Variants in HMGB2 observed in about 807,000 individuals in gnomAD.
The protein encoded by HMGB2 is high mobility group protein B2.
HMGB2 carries 2 observed loss-of-function variants against 23.0 expected under a neutral mutation model. The ratio of observed to expected loss-of-function variants is 0.09; its 90% CI spans 0.04 to 0.27. The LOEUF (loss-of-function observed/expected upper bound fraction) is 0.27. HMGB2 is among the 10% of genes least tolerant of loss of function. HMGB2 has a pLI of 1.00. For missense variants in HMGB2, 178 were observed against 256.5 expected (o/e 0.69, Z 2.09); for synonymous variants, 99 against 87.5 (o/e 1.13, Z -0.73).
chr4:173,333,208 A>G lies in HMGB2; in HGVS notation c.157T>C (p.Ser53Pro). ...KKCSERWKTM[S>P]AKEKSKFEDM... ...TCAAACTTCGACTTCTCCTTTGCAG[A>G]CATGGTCTGTGGACATAAAATAAGA... The change falls in exon 3 of 5, where the codon TCT (serine) becomes CCT (proline). Residue 53 changes from serine (S) to proline (P), a missense_variant. Around this residue, in one of 3 missense-constraint regions of HMGB2, gnomAD observed 90 missense variants for 114.4 expected, o/e 0.79. Transcript: ENST00000296503. This position sits in a 1 kb window ranked among gnomAD's most constrained non-coding sequence, Gnocchi z 4.6. 6.2e-7 allele frequency: 1 copy of G among 1,613,714 alleles called. No individual in the cohort carries two copies. The highest frequency in any genetic ancestry group is 8.5e-7 in the Non-Finnish European group (1 of 1,179,904).
intron 4 of HMGB2, chr4:173,332,509 A>G: frequency 2.1e-6 from 1 of 481,464 alleles, no homozygotes; most frequent in Non-Finnish European, 3.6e-6. Context: ...GTACCTTCAC[A>G]TTTTATATAT....
At position 173,331,882 on chromosome 4, in the gene HMGB2, T is replaced by C. The variant is rs1481626163; in HGVS notation, c.*198A>G. The C allele has an allele frequency of 1.6e-6, 1 of 636,602 alleles. No homozygotes were observed. The highest frequency in any genetic ancestry group is 2.9e-5 in the East Asian group (1 of 34,404). 39.4% of individuals were successfully genotyped at this position (636,602 alleles called of 1,614,324 possible). On this transcript the variant is annotated 3_prime_UTR_variant, in exon 5 of 5. Coordinates refer to ENST00000296503, the MANE Select transcript of HMGB2 (RefSeq NM_002129.4). ...CATCAGAAGCTGTAAAATCTAACTG[T>C]ATGAGTAGCCCATCAAAAAGCTACA...
chr4:173,333,553 C>A lies in HMGB2; in HGVS notation c.97G>T (p.Asp33Tyr). Residue 33 changes from aspartate to tyrosine, a missense_variant, in exon 2 of 5, where the codon GAC becomes TAC. Physicochemically the swap from Asp to Tyr is radical, Grantham distance 160 (BLOSUM62 -3). Transcript: ENST00000296503. The surrounding 1 kb of genome is among the most constrained non-coding windows in gnomAD (Gnocchi z 4.6). Reference protein sequence around the residue: ...CREEHKKKHPDSSVNFAEFSK... With the variant: ...CREEHKKKHPYSSVNFAEFSK... ...AATTCCGCGAAATTGACGGAAGAGT[C>A]CGGGTGTTTCTTCTTGTGCTCTTCC... 6.2e-7 allele frequency: 1 copy of A among 1,614,180 alleles called. No individual in the cohort carries two copies. Among genetic ancestry groups the A allele is most frequent in the Non-Finnish European group, 8.5e-7 (1 of 1,180,012 alleles).
rs1189892258 is a variant in HMGB2, at chr4:173,333,738, C to T, written c.-20-69G>A. ...CGGAGCCCGCAGCTGCCAGGGCGGG[C>T]GCTGGCGGGGCTCCGCTTCCCGCCC... is the stretch of plus-strand genomic sequence containing the variant. On this transcript the variant is annotated intron_variant, in intron 1 of 4. Transcript: ENST00000296503. This position sits in a 1 kb window ranked among gnomAD's most constrained non-coding sequence, Gnocchi z 4.6. 2.0e-5 allele frequency: 26 copies of T among 1,273,976 alleles called. No individual in the cohort carries two copies. The highest frequency in any genetic ancestry group is 2.5e-5 in the Non-Finnish European group (24 of 941,324). 78.9% of individuals were successfully genotyped at this position (1,273,976 alleles called of 1,614,324 possible).
In HMGB2 at chr4:173,333,327, G is replaced by T. The variant is rs372897527; in HGVS notation, c.151-113C>A. 2.2e-6 allele frequency: 3 copies of T among 1,388,942 alleles called. No individual in the cohort carries two copies. Among genetic ancestry groups the T allele is most frequent in the South Asian group, 2.8e-5 (2 of 72,544 alleles). 86.0% of individuals were successfully genotyped at this position (1,388,942 alleles called of 1,614,324 possible). On this transcript the variant is annotated intron_variant, in intron 2 of 4. Transcript: ENST00000296503. This position sits in a 1 kb window ranked among gnomAD's most constrained non-coding sequence, Gnocchi z 4.6. ...TTTTCCTTAACAGCATTTTGCTTTC[G>T]AAGTCTTATATAAGTAAAAACCTAA...
chr4:173,332,776 C>A, intron 4 of HMGB2, 45 bp downstream of exon 4: 1 of 1,536,714 alleles, frequency 6.5e-7, no homozygotes, highest in Non-Finnish European at 9.0e-7. Context: ...CAGTTATTAC[C>A]TATACCTAGT....
chr4:173,332,363 C>CT, intron 4 of HMGB2, 125 bp from the exon 5 acceptor site: 1 of 731,972 alleles, frequency 1.4e-6, no homozygotes. Flanking sequence ...GGTAACCAGT[C>CT]TAAGTTTTTA....
In HMGB2 at chr4:173,331,418, G is replaced by A. The variant is rs531992654; in HGVS notation, c.*662C>T. On this transcript the variant is annotated 3_prime_UTR_variant, in exon 5 of 5. Coordinates refer to ENST00000296503, the MANE Select transcript of HMGB2 (RefSeq NM_002129.4). ...TATGTATATATATATACACACACCT[G>A]AGGAACAATTTAGCTAATAAACAGA... is the stretch of plus-strand genomic sequence containing the variant. Among the ~76,000 whole-genome samples, 428 of 142,824 alleles carry A rather than the reference G, an allele frequency of 3.0e-3. 2 individuals are homozygous for A. Among genetic ancestry groups the A allele is most frequent in the African/African-American group, 0.011 (400 of 37,214 alleles). 93.7% of individuals were successfully genotyped at this position (142,824 alleles called of 152,430 possible).
Position 173,331,961 on chromosome 4 carries a change from A to C in HMGB2, c.*119T>G. On this transcript the variant is annotated 3_prime_UTR_variant, in exon 5 of 5. Coordinates refer to ENST00000296503, the MANE Select transcript of HMGB2 (RefSeq NM_002129.4). ...ACAGAGAATCTTATCAGCTATACAA[A>C]AATCTGTACAGTTTTTATACTGAAG... is the stretch of plus-strand genomic sequence containing the variant. 1 of 1,412,396 alleles carries C rather than the reference A, an allele frequency of 7.1e-7. No individual in the cohort carries two copies. The highest frequency in any genetic ancestry group is 9.5e-7 in the Non-Finnish European group (1 of 1,048,992). 87.5% of individuals were successfully genotyped at this position (1,412,396 alleles called of 1,614,324 possible). A position where few individuals can be genotyped will look rare whatever the true frequency, so the allele number is the denominator to read the frequency against.
Position 173,331,927 on chromosome 4 carries a change from A to G in HMGB2, c.*153T>C. 1 of 1,136,752 alleles carries G rather than the reference A, an allele frequency of 8.8e-7. No homozygotes were observed. The highest frequency in any genetic ancestry group is 1.7e-5 in the South Asian group (1 of 59,892). The allele number at this position is 1,136,752 out of a possible 1,614,324, so 70.4% of individuals were successfully genotyped here. A position where few individuals can be genotyped will look rare whatever the true frequency, so the allele number is the denominator to read the frequency against. ...GCTACAACCTGCATTTTTTAAAAGTATTTTCTCTACAGAGAATCTTATCAG... is the reference window on the plus strand; with the variant it reads ...GCTACAACCTGCATTTTTTAAAAGTGTTTTCTCTACAGAGAATCTTATCAG... On this transcript the variant is annotated 3_prime_UTR_variant, in exon 5 of 5. Coordinates refer to ENST00000296503, the MANE Select transcript of HMGB2 (RefSeq NM_002129.4).
rs1017928982 is a variant in HMGB2 at position 173,333,846 on chromosome 4, C to G, written c.-20-177G>C. ...GGCCGCCCGCGCCCCCGCCCGCGCCCCGGCGCACACCCTCCTCCTCCTCCT... is the reference window on the plus strand; with the variant it reads ...GGCCGCCCGCGCCCCCGCCCGCGCCGCGGCGCACACCCTCCTCCTCCTCCT... On this transcript the variant is annotated intron_variant, in intron 1 of 4. Coordinates refer to ENST00000296503, the MANE Select transcript of HMGB2 (RefSeq NM_002129.4). The surrounding 1 kb of genome is among the most constrained non-coding windows in gnomAD (Gnocchi z 4.6). 6.6e-6 allele frequency among the ~76,000 whole-genome samples: 1 copy of G among 151,558 alleles called. No homozygotes were observed. The highest frequency in any genetic ancestry group is 2.4e-5 in the African/African-American group (1 of 41,252).
Position 173,333,384 on chromosome 4 carries a change from G to C in HMGB2, c.150+116C>G, listed in dbSNP as rs1738158371. On this transcript the variant is annotated intron_variant, in intron 2 of 4. Transcript: ENST00000296503. This position sits in a 1 kb window ranked among gnomAD's most constrained non-coding sequence, Gnocchi z 4.6. ...CTGCCTGGAACTCTTAAGATATTCA[G>C]GTGAGTCACTGGGGTGGCAAAGTTG... 1.4e-6 allele frequency: 2 copies of C among 1,403,408 alleles called. No individual in the cohort carries two copies. Among genetic ancestry groups the C allele is most frequent in the South Asian group, 1.4e-5 (1 of 73,260 alleles). 86.9% of individuals were successfully genotyped at this position (1,403,408 alleles called of 1,614,324 possible).
rs764970086 is a variant in HMGB2 at position 173,332,030 on chromosome 4, T to C, written c.*50A>G. ...TGAATTCACATTCTTAGCAAAATAA[T>C]TGCCTGAGCACACACACACATTCCA... is the stretch of plus-strand genomic sequence containing the variant. On this transcript the variant is annotated 3_prime_UTR_variant, in exon 5 of 5. Transcript: ENST00000296503. 6.2e-6 allele frequency: 10 copies of C among 1,605,790 alleles called. No homozygotes were observed. Among genetic ancestry groups the C allele is most frequent in the Admixed American group, 5.1e-5 (3 of 59,084 alleles).
intron 4 of HMGB2, 57 bp from the exon 5 acceptor site, chr4:173,332,295 C>G: frequency 7.7e-7 from 1 of 1,297,710 alleles, no homozygotes; most frequent in African/African-American, 1.5e-5. Context: ...TGTGAAAAAC[C>G]ACTTAGTTGT....
chr4:173,332,430 G>A (rs952016840), intron 4 of HMGB2, 192 bp from the exon 5 acceptor site: 25 of 555,904 alleles, frequency 4.5e-5, no homozygotes, highest in East Asian at 1.5e-4. Context: ...CAAGGGTTGC[G>A]ATACAGCAGT....
chr4:173,333,719 C>G lies in HMGB2; in HGVS notation c.-20-50G>C. Reference sequence around the variant, plus strand: ...GGAAGCCGGAGGGTCGGCGCGGAGCCCGCAGCTGCCAGGGCGGGCGCTGGC... The same window carrying G: ...GGAAGCCGGAGGGTCGGCGCGGAGCGCGCAGCTGCCAGGGCGGGCGCTGGC... On this transcript the variant is annotated intron_variant, in intron 1 of 4. Transcript: ENST00000296503. This position sits in a 1 kb window ranked among gnomAD's most constrained non-coding sequence, Gnocchi z 4.6. 7.0e-7 allele frequency: 1 copy of G among 1,432,502 alleles called. No homozygotes were observed. Among genetic ancestry groups the G allele is most frequent in the Non-Finnish European group, 9.4e-7 (1 of 1,065,112 alleles). 88.7% of individuals were successfully genotyped at this position (1,432,502 alleles called of 1,614,324 possible). A position where few individuals can be genotyped will look rare whatever the true frequency, so the allele number is the denominator to read the frequency against.
At position 173,332,083 on chromosome 4, in the gene HMGB2, TTCTTCA is replaced by T. The variant is rs1385065963; in HGVS notation, c.621_626del (p.Asp207_Glu208del). 3 of 1,613,676 alleles carry T rather than the reference TTCTTCA, an allele frequency of 1.9e-6. No homozygotes were observed. Among genetic ancestry groups the T allele is most frequent in the Admixed American group, 1.7e-5 (1 of 60,006 alleles). On this transcript the variant is annotated inframe_deletion, in exon 5 of 5. Transcript: ENST00000296503. The stretch of plus-strand genomic sequence containing the variant: ...CGCATCATTAAAGGATAGCCATTTA[TTCTTCA>T]TCTTCATCCTCTTCCTCCTCATCTT...
chr4:173,331,500 ACT>A lies in HMGB2; in HGVS notation c.*578_*579del, dbSNP rs914021035. Among the ~76,000 whole-genome samples the A allele has an allele frequency of 2.0e-5, 3 of 151,082 alleles. No individual in the cohort carries two copies. Among genetic ancestry groups the A allele is most frequent in the Non-Finnish European group, 4.4e-5 (3 of 67,806 alleles). The stretch of plus-strand genomic sequence containing the variant: ...AACTGCATAAATTCTTATAAAGTTC[ACT>A]GAGTTCAACATGTAACTTTTAAAGA... On this transcript the variant is annotated 3_prime_UTR_variant, in exon 5 of 5. Transcript: ENST00000296503.
chr4:173,332,830 T>C lies in HMGB2; in HGVS notation c.462A>G (p.Lys154=). 2 of 1,614,052 alleles carry C rather than the reference T, an allele frequency of 1.2e-6. No individual in the cohort carries two copies. Among genetic ancestry groups the C allele is most frequent in the Non-Finnish European group, 1.7e-6 (2 of 1,179,884 alleles). Residue 154 remains lysine, a synonymous_variant, in exon 4 of 5, where the codon AAA becomes AAG. Coordinates refer to ENST00000296503, the MANE Select transcript of HMGB2 (RefSeq NM_002129.4). ...AAAGATGACACTGTACCTTTTCATA[T>C]TTCTCCTTTAGCTTAGCTGCTTTCT... ...YEQKAAKLKE[K]YEKDIAAYRA...
Sources: gnomAD v4.1 joint callset for allele counts (sites outside exome capture counted in the v4.1 genomes callset) on GRCh38, gnomAD v4.1.1 for gene constraint, gnomAD v4.1.1 regional missense constraint, Gnocchi (gnomAD v3.1) non-coding constraint, MANE v1.5 for transcripts, NCBI Gene and HGNC (gene_info 2026-07-23, HGNC 2026-07-21) for gene names.